Variants in FERMT2 observed in about 807,000 individuals in gnomAD.
FERMT2 encodes the protein FERM domain containing kindlin 2, also known as fermitin family homolog 2.
FERMT2 carries 15 observed loss-of-function variants against 82.7 expected under a neutral mutation model. The observed-to-expected ratio is 0.18, with a 90% CI of 0.12 to 0.28. FERMT2 has a LOEUF of 0.28. Among genes scored for constraint, FERMT2 ranks in the 10% least tolerant of loss-of-function variants. FERMT2 has a pLI of 1.00. For missense variants in FERMT2, 645 were observed against 809.4 expected (o/e 0.80, Z 2.46); for synonymous variants, 274 against 271.5 (o/e 1.01, Z -0.09).
intron 2 of FERMT2, among the ~76,000 whole-genome samples, chr14:52,947,410 C>T (rs1427851069): frequency 6.6e-6 from 1 of 152,064 alleles, no homozygotes; most frequent in Admixed American, 6.5e-5. Context: ...ACCCAGGAGG[C>T]GGAGCTTGCA....
chr14:52,910,691 T>C (rs905317962), intron 3 of FERMT2, among the ~76,000 whole-genome samples: 1 of 152,222 alleles, frequency 6.6e-6, no homozygotes, highest in East Asian at 1.9e-4. Flanking sequence ...AATAAAAAGC[T>C]TGGAAATGAT....
intron 10 of FERMT2, among the ~76,000 whole-genome samples, chr14:52,867,792 TTA>T (rs1459607974): frequency 6.6e-6 from 1 of 152,162 alleles, no homozygotes; most frequent in East Asian, 1.9e-4. Context: ...TTCTACATTC[TTA>T]TCTCAGTATC....
At chr14:52,901,933 A>C (rs1423310762) in intron 3 of FERMT2, among the ~76,000 whole-genome samples, 1 of 152,232 alleles carries the variant, frequency 6.6e-6, no homozygotes, top group Non-Finnish European at 1.5e-5. Context: ...GCAGCAATGC[A>C]ACACCAACAA....
chr14:52,950,038 G>A (rs1890552651), intron 2 of FERMT2, among the ~76,000 whole-genome samples: 1 of 152,172 alleles, frequency 6.6e-6, no homozygotes, highest in Non-Finnish European at 1.5e-5. Context: ...GTATGCTGAA[G>A]ACATAGATAA....
intron 2 of FERMT2, 45 bp downstream of exon 2, chr14:52,950,367 A>T: frequency 6.3e-7 from 1 of 1,583,298 alleles, no homozygotes; most frequent in Non-Finnish European, 8.6e-7. Context: ...TCCCCCTACC[A>T]ATTCTGGGAA....
At chr14:52,917,879 T>A (rs1387952707) in intron 3 of FERMT2, among the ~76,000 whole-genome samples, 1 of 152,218 alleles carries the variant, frequency 6.6e-6, no homozygotes, top group Non-Finnish European at 1.5e-5. Flanking sequence ...GTAGGTAGTC[T>A]CAGCACCTCC....
rs1208561096 is a variant in FERMT2 at position 52,857,382 on chromosome 14, C to T, written c.*995G>A. The T allele has an allele frequency of 1.3e-5, 2 of 152,598 alleles. No homozygotes were observed. The highest frequency in any genetic ancestry group is 4.8e-5 in the African/African-American group (2 of 41,426). 9.5% of individuals were successfully genotyped at this position (152,598 alleles called of 1,614,324 possible). A position where few individuals can be genotyped will look rare whatever the true frequency, so the allele number is the denominator to read the frequency against. ...CACCTCTCCCTCGCACCCTTTTGGG[C>T]TATGTGAGCTAGGAATTTTCTGACT... On this transcript the variant is annotated 3_prime_UTR_variant, in exon 15 of 15. Coordinates refer to ENST00000341590, the MANE Select transcript of FERMT2 (RefSeq NM_006832.3).
chr14:52,882,351 T>C (rs1354278952), intron 4 of FERMT2, among the ~76,000 whole-genome samples: 1 of 152,202 alleles, frequency 6.6e-6, no homozygotes, highest in African/African-American at 2.4e-5. Flanking sequence ...GGAAGGGATA[T>C]TGCCTTATTT....
chr14:52,896,395 A>T (rs1352505076), intron 3 of FERMT2, among the ~76,000 whole-genome samples: 2 of 152,190 alleles, frequency 1.3e-5, no homozygotes, highest in African/African-American at 4.8e-5. Context: ...ACCCAATATT[A>T]TAAATTCAGA....
chr14:52,945,227 A>G (rs1014599933), intron 2 of FERMT2, among the ~76,000 whole-genome samples: 1 of 150,664 alleles, frequency 6.6e-6, no homozygotes, highest in Non-Finnish European at 1.5e-5. Context: ...CAATTGTTCT[A>G]TGTTTTTTTG....
At chr14:52,870,224 T>C (rs1480472891) in intron 10 of FERMT2, among the ~76,000 whole-genome samples, 1 of 151,376 alleles carries the variant, frequency 6.6e-6, no homozygotes, top group Non-Finnish European at 1.5e-5. Flanking sequence ...GCCCCATTCA[T>C]GGAAACTGCT....
intron 3 of FERMT2, among the ~76,000 whole-genome samples, chr14:52,905,892 C>T (rs948235223): frequency 1.3e-5 from 2 of 152,018 alleles, no homozygotes; most frequent in Admixed American, 6.6e-5. Context: ...CTAAGATGCA[C>T]GGCTAGAAGA....
At chr14:52,908,104 C>A (rs568787283) in intron 3 of FERMT2, among the ~76,000 whole-genome samples, 1 of 152,154 alleles carries the variant, frequency 6.6e-6, no homozygotes, top group African/African-American at 2.4e-5. Flanking sequence ...TGCTCAACAT[C>A]ATTAGTCACT....
At chr14:52,928,005 G>C (rs957947527) in intron 2 of FERMT2, 1 of 383,786 alleles carries the variant, frequency 2.6e-6, no homozygotes, top group Admixed American at 3.2e-5. Context: ...AAAGAAAGTT[G>C]ATCAAATAAC....
In FERMT2 at chr14:52,923,679, C is replaced by G. The variant is rs17125919; in HGVS notation, c.158-4323G>C. 4.6e-3 allele frequency among the ~76,000 whole-genome samples: 699 copies of G among 151,862 alleles called. 4 individuals are homozygous for G. Among genetic ancestry groups the G allele is most frequent in the East Asian group, 0.038 (198 of 5,168 alleles). On this transcript the variant is annotated intron_variant, in intron 2 of 14. Transcript: ENST00000341590. Reference sequence around the variant, plus strand: ...GATCCAAAGATTACATACTGGACATCCTATGAGTGGTCCGTTTACCCACAG... The same window carrying G: ...GATCCAAAGATTACATACTGGACATGCTATGAGTGGTCCGTTTACCCACAG...
At chr14:52,950,000 C>T (rs1378104638) in intron 2 of FERMT2, among the ~76,000 whole-genome samples, 1 of 152,194 alleles carries the variant, frequency 6.6e-6, no homozygotes, top group Non-Finnish European at 1.5e-5. Context: ...TTGCATCATT[C>T]TCTATACCAA....
intron 3 of FERMT2, among the ~76,000 whole-genome samples, chr14:52,902,230 T>C (rs988845734): frequency 1.3e-5 from 2 of 151,876 alleles, no homozygotes; most frequent in East Asian, 1.9e-4. Flanking sequence ...CTGTCTCTAC[T>C]AAAAATACAA....
chr14:52,922,175 T>A (rs2139647959), intron 2 of FERMT2, among the ~76,000 whole-genome samples: 1 of 152,324 alleles, frequency 6.6e-6, no homozygotes, highest in East Asian at 1.9e-4. Context: ...TGTGAGCACC[T>A]GCAGTTCAGT....
intron 2 of FERMT2, among the ~76,000 whole-genome samples, chr14:52,924,843 C>G (rs949593189): frequency 6.6e-6 from 1 of 152,108 alleles, no homozygotes; most frequent in African/African-American, 2.4e-5. Context: ...AAAGGGAAAG[C>G]TATTACAGCA....
Sources: allele counts gnomAD v4.1 joint callset (sites outside exome capture counted in the v4.1 genomes callset), GRCh38; gene constraint gnomAD v4.1.1; transcripts MANE v1.5; gene names NCBI Gene and HGNC (gene_info 2026-07-23, HGNC 2026-07-21).